KLHL13: variants seen among roughly 807,000 people sequenced by gnomAD.
The protein encoded by KLHL13 is kelch-like protein 13.
KLHL13 carries 10 observed loss-of-function variants against 37.1 expected under a neutral mutation model. That is an observed-to-expected ratio of 0.27 (90% confidence interval 0.17 to 0.46). KLHL13 has a LOEUF of 0.46. Ranked by LOEUF, KLHL13 falls within the 20% of genes least tolerant of loss-of-function variation. The probability of loss-of-function intolerance (pLI) is 1.00; values close to 1 mark genes in which losing one functional copy is unlikely to be tolerated. For missense variants in KLHL13, 360 were observed against 509.3 expected (o/e 0.71, Z 2.82); for synonymous variants, 163 against 181.2 (o/e 0.90, Z 0.81).
intron 1 of KLHL13, chrX:117,985,461 A>C: frequency 1.3e-6 from 1 of 796,248 alleles, no homozygotes; most frequent in Non-Finnish European, 1.6e-6. Flanking sequence ...AAAAAAAAAA[A>C]AAACCTATGT....
chrX:118,048,472 T>A (rs1253646956), intron 1 of KLHL13, among the ~76,000 whole-genome samples: 1 of 111,642 alleles, frequency 9.0e-6, no homozygotes, highest in Non-Finnish European at 1.9e-5. Flanking sequence ...CACCTGTATC[T>A]TTTTTTGTTG....
intron 1 of KLHL13, among the ~76,000 whole-genome samples, chrX:117,968,715 T>G (rs746318889): frequency 8.9e-6 from 1 of 111,909 alleles, no homozygotes; most frequent in Non-Finnish European, 1.9e-5. Flanking sequence ...TAATCACAAA[T>G]GATTATCAAT....
At chrX:118,077,967 AAC>A (rs981064014) in intron 1 of KLHL13, among the ~76,000 whole-genome samples, 3 of 112,267 alleles carry the variant, frequency 2.7e-5, no homozygotes, top group African/African-American at 9.7e-5. Flanking sequence ...TTTTCCTAGA[AAC>A]AGTGGATATT....
At chrX:118,007,178 G>A (rs967092430) in intron 1 of KLHL13, among the ~76,000 whole-genome samples, 1 of 110,181 alleles carries the variant, frequency 9.1e-6, no homozygotes, top group Non-Finnish European at 1.9e-5. Flanking sequence ...GGAGGCCCAA[G>A]TGGGAGGATC....
intron 5 of KLHL13, among the ~76,000 whole-genome samples, chrX:117,908,111 T>A (rs1317576809): frequency 9.3e-6 from 1 of 107,413 alleles, no homozygotes; most frequent in Non-Finnish European, 1.9e-5. Flanking sequence ...ATTTATTTAT[T>A]TATTGTGTTC....
chrX:117,945,372 C>T (rs1324647930), intron 2 of KLHL13, 62 bp downstream of exon 3: 39 of 1,115,268 alleles, frequency 3.5e-5, no homozygotes, highest in Non-Finnish European at 4.4e-5. Context: ...TCCTGCATCA[C>T]AAAATCCATG....
chrX:117,995,200 A>T (rs962988339), intron 1 of KLHL13, among the ~76,000 whole-genome samples: 6 of 112,206 alleles, frequency 5.3e-5, no homozygotes, highest in African/African-American at 1.9e-4. Context: ...TTTCTTTAAA[A>T]CTTACATTTA....
intron 1 of KLHL13, among the ~76,000 whole-genome samples, chrX:117,996,167 T>A (rs376982564): frequency 1.8e-5 from 2 of 112,284 alleles, no homozygotes; most frequent in African/African-American, 6.5e-5. Flanking sequence ...TCTCTACACA[T>A]CTGACATACA....
At chrX:118,017,587 T>C (rs952426199) in intron 1 of KLHL13, among the ~76,000 whole-genome samples, 50 of 111,030 alleles carry the variant, frequency 4.5e-4, no homozygotes, top group Non-Finnish European at 1.7e-4. Flanking sequence ...ACTTCACTCA[T>C]AAAGCCTGTC....
upstream of KLHL13, among the ~76,000 whole-genome samples, chrX:117,977,251 A>C (rs2053606399): frequency 8.9e-6 from 1 of 112,283 alleles, no homozygotes; most frequent in South Asian, 3.6e-4. Flanking sequence ...GTGCATGAAG[A>C]ACCATTTCCA....
At chrX:117,928,921 T>A (rs1932237447) in intron 2 of KLHL13, among the ~76,000 whole-genome samples, 1 of 111,313 alleles carries the variant, frequency 9.0e-6, no homozygotes, top group South Asian at 3.8e-4. Context: ...GATCCATAAA[T>A]CTGACAAAAC....
upstream of KLHL13, among the ~76,000 whole-genome samples, chrX:117,977,017 A>G (rs1285853352): frequency 8.9e-6 from 1 of 112,225 alleles, no homozygotes; most frequent in Non-Finnish European, 1.9e-5. Context: ...AAGAGAAACT[A>G]GAAACCAAAT....
chrX:118,031,591 TTA>T (rs1335407991), intron 1 of KLHL13, among the ~76,000 whole-genome samples: 2 of 98,369 alleles, frequency 2.0e-5, no homozygotes, highest in Admixed American at 1.2e-4. Flanking sequence ...ATATATTTAG[TTA>T]TATATATATT....
intron 1 of KLHL13, among the ~76,000 whole-genome samples, chrX:117,959,293 C>T (rs954503931): frequency 2.7e-5 from 3 of 111,983 alleles, no homozygotes; most frequent in Non-Finnish European, 5.6e-5. Flanking sequence ...AAAATCACTT[C>T]AATTTGGTGA....
chrX:118,032,935 G>A (rs1420535401), intron 1 of KLHL13, among the ~76,000 whole-genome samples: 2 of 111,790 alleles, frequency 1.8e-5, no homozygotes, highest in Non-Finnish European at 3.8e-5. Context: ...TGAGAACTAC[G>A]TGAAGAATGC....
At chrX:118,100,188 T>C (rs1347319450) in intron 1 of KLHL13, among the ~76,000 whole-genome samples, 1 of 111,774 alleles carries the variant, frequency 8.9e-6, no homozygotes, top group Non-Finnish European at 1.9e-5. Flanking sequence ...ACAAAACAAT[T>C]TTTGAATAAA....
At chrX:117,999,766 G>C (rs1190760397) in intron 1 of KLHL13, among the ~76,000 whole-genome samples, 1 of 111,065 alleles carries the variant, frequency 9.0e-6, no homozygotes, top group Admixed American at 9.6e-5. Context: ...TTTTCACAGA[G>C]CAGGCAACAC....
chrX:117,983,514 C>T (rs752692288), intron 1 of KLHL13: 42 of 1,146,478 alleles, frequency 3.7e-5, no homozygotes, highest in Non-Finnish European at 4.6e-5. Context: ...TCCTTGAAAT[C>T]GGCTTGTTTT....
chrX:117,932,671 A>G (rs1323024590), intron 2 of KLHL13, among the ~76,000 whole-genome samples: 1 of 112,138 alleles, frequency 8.9e-6, no homozygotes, highest in Admixed American at 9.4e-5. Context: ...ACACTACTGC[A>G]ATAAACATGA....
Sources: allele counts gnomAD v4.1 joint callset (sites outside exome capture counted in the v4.1 genomes callset), GRCh38; gene constraint gnomAD v4.1.1; transcripts MANE v1.5; gene names NCBI Gene and HGNC (gene_info 2026-07-23, HGNC 2026-07-21).